Variants in TMEM68 observed in about 807,000 individuals in gnomAD.
TMEM68 encodes DGAT1/2-independent enzyme synthesizing storage lipids.
TMEM68 carries 25 observed loss-of-function variants against 36.9 expected under a neutral mutation model. That is an observed-to-expected ratio of 0.68 (90% CI 0.49 to 0.95). The LOEUF (loss-of-function observed/expected upper bound fraction) is 0.95, where lower values mean the gene tolerates loss of function less well. TMEM68 is among the 40% of genes least tolerant of loss of function. TMEM68 has a pLI of 0.00. For synonymous variants in TMEM68, 131 were observed against 124.4 expected (o/e 1.05, Z -0.35); for missense variants, 333 against 392.0 (o/e 0.85, Z 1.27).
intron 5 of TMEM68, chr8:55,746,762 A>G (rs1810291520): frequency 6.6e-6 from 1 of 152,202 alleles, no homozygotes; most frequent in Admixed American, 6.5e-5. Context: ...GCCTTCATAA[A>G]ACCTACTACT....
chr8:55,763,789 G>GT (rs1270294916), intron 2 of TMEM68, 147 bp downstream of exon 2: 1 of 4,988 alleles, frequency 2.0e-4, no homozygotes, highest in Non-Finnish European at 7.2e-4. Flanking sequence ...AATGGATATT[G>GT]TTTTTTTATA....
chr8:55,758,062 GA>G (rs1330255245), intron 3 of TMEM68, among the ~76,000 whole-genome samples: 3 of 152,116 alleles, frequency 2.0e-5, no homozygotes, highest in Non-Finnish European at 4.4e-5. Flanking sequence ...AAGCAAAGGC[GA>G]CCTTTTCCTG....
chr8:55,744,129 T>C (rs368776026), intron 6 of TMEM68, among the ~76,000 whole-genome samples: 13 of 151,252 alleles, frequency 8.6e-5, no homozygotes, highest in African/African-American at 2.7e-4. Context: ...AAGAATAAAT[T>C]TATGTAAATA....
intron 1 of TMEM68, among the ~76,000 whole-genome samples, chr8:55,770,568 G>C (rs1032112051): frequency 2.0e-5 from 3 of 152,098 alleles, no homozygotes; most frequent in African/African-American, 7.2e-5. Flanking sequence ...CAGCTACTTG[G>C]AAGGCCAAGG....
intron 4 of TMEM68, chr8:55,751,441 G>A (rs888596912): frequency 4.7e-6 from 2 of 422,896 alleles, no homozygotes; most frequent in Non-Finnish European, 8.7e-6. Flanking sequence ...CTTGCTCAAA[G>A]TCACACATCT....
chr8:55,754,900 CATATATTAT>C (rs1323195919), intron 4 of TMEM68, among the ~76,000 whole-genome samples: 1 of 123,494 alleles, frequency 8.1e-6, no homozygotes, highest in African/African-American at 3.1e-5. Flanking sequence ...ATATAAAATA[CATATATTAT>C]ATATTATATA....
chr8:55,765,561 C>A (rs1371704713), intron 1 of TMEM68, among the ~76,000 whole-genome samples: 1 of 152,172 alleles, frequency 6.6e-6, no homozygotes, highest in African/African-American at 2.4e-5. Context: ...TGTTTGCTAT[C>A]GCTATCATTC....
At position 55,746,410 on chromosome 8, in the gene TMEM68, C is replaced by T. The variant is rs559554724; in HGVS notation, c.688-1289G>A. ...CATGATTTTTATTCTCCAAAAATATCAATGATTCAGTATATTTTTAATAAT... is the reference window on the plus strand; with the variant it reads ...CATGATTTTTATTCTCCAAAAATATTAATGATTCAGTATATTTTTAATAAT... On this transcript the variant is annotated intron_variant, in intron 5 of 7. Coordinates refer to ENST00000434581, the MANE Select transcript of TMEM68 (RefSeq NM_001286657.2). 9 of 140,490 alleles carry T rather than the reference C, an allele frequency of 6.4e-5. No homozygotes were observed. The South Asian group carries it at 2.1e-3, about 33-fold the overall frequency. The allele number at this position is 140,490 out of a possible 1,614,324, so 8.7% of individuals were successfully genotyped here.
intron 3 of TMEM68, among the ~76,000 whole-genome samples, chr8:55,758,826 T>A (rs942919264): frequency 6.6e-6 from 1 of 151,684 alleles, no homozygotes; most frequent in Non-Finnish European, 1.5e-5. Flanking sequence ...AATAAATAAA[T>A]AAACGCAAAG....
intron 1 of TMEM68, among the ~76,000 whole-genome samples, chr8:55,767,319 A>T (rs912671119): frequency 3.3e-5 from 5 of 152,206 alleles, no homozygotes; most frequent in African/African-American, 1.2e-4. Flanking sequence ...GTTAATGCTT[A>T]TCACATATAA....
rs1585705341 is a variant in TMEM68, at chr8:55,743,750, A to AT, written c.749-131dup. ...GTATCACTTCTTGGCAATTAATACA[A>AT]TTTTTTTAAAAAGAAGAGCTTTTCA... On this transcript the variant is annotated intron_variant, in intron 6 of 7. Transcript: ENST00000434581. The AT allele has an allele frequency of 2.0e-5, 15 of 751,238 alleles. No homozygotes were observed. The East Asian group carries it at 4.4e-4, about 22-fold the overall frequency. 46.5% of individuals were successfully genotyped at this position (751,238 alleles called of 1,614,324 possible).
intron 1 of TMEM68, among the ~76,000 whole-genome samples, chr8:55,767,996 G>A (rs1811027720): frequency 2.6e-5 from 4 of 152,144 alleles, no homozygotes; most frequent in Admixed American, 2.0e-4. Context: ...TAGAAGTTGG[G>A]AAGACAATGG....
chr8:55,743,566 C>T lies in TMEM68; in HGVS notation c.803G>A (p.Gly268Glu). 1 of 1,535,934 alleles carries T rather than the reference C, an allele frequency of 6.5e-7. No homozygotes were observed. The highest frequency in any genetic ancestry group is 8.7e-7 in the Non-Finnish European group (1 of 1,146,808). Residue 268 changes from glycine to glutamate, a missense_variant, in exon 7 of 8, where the codon GGA (glycine) becomes GAA (glutamate). By Grantham distance (98) the Gly-to-Glu change is moderately conservative. Coordinates refer to ENST00000434581, the MANE Select transcript of TMEM68 (RefSeq NM_001286657.2). ...GGTCCGTAACTTCACTGGAAAACCT[C>T]CATACATTGGAGCAAATGGATAGCG... Reference protein sequence around the residue: ...KFRYPFAPMYGGFPVKLRTYL... With the variant: ...KFRYPFAPMYEGFPVKLRTYL...
At chr8:55,748,656 G>A (rs890238019) in intron 5 of TMEM68, among the ~76,000 whole-genome samples, 1 of 152,012 alleles carries the variant, frequency 6.6e-6, no homozygotes. Context: ...GCCCAAGCTG[G>A]AACACAATGG....
intron 4 of TMEM68, among the ~76,000 whole-genome samples, chr8:55,753,372 T>C (rs1207376412): frequency 6.6e-6 from 1 of 152,138 alleles, no homozygotes; most frequent in African/African-American, 2.4e-5. Context: ...CCTATGTTAC[T>C]GTAAGTAAAA....
intron 4 of TMEM68, among the ~76,000 whole-genome samples, chr8:55,752,357 C>T (rs1394283727): frequency 6.6e-6 from 1 of 151,998 alleles, no homozygotes; most frequent in African/African-American, 2.4e-5. Flanking sequence ...GGAAGATGAG[C>T]GGGCAGACCA....
At chr8:55,764,958 G>A (rs143109212) in intron 1 of TMEM68, among the ~76,000 whole-genome samples, 1,997 of 152,276 alleles carry the variant, frequency 0.013, 40 homozygotes, top group African/African-American at 0.046. Flanking sequence ...TGTAGTCCCA[G>A]CTACTCGGGA....
chr8:55,768,377 G>C (rs1362613984), intron 1 of TMEM68, among the ~76,000 whole-genome samples: 1 of 152,120 alleles, frequency 6.6e-6, no homozygotes, highest in African/African-American at 2.4e-5. Context: ...ATCTAGAAGG[G>C]AACACAGGTG....
Position 55,756,243 on chromosome 8 carries a change from C to G in TMEM68, c.493+1G>C, listed in dbSNP as rs772849933. Reference sequence around the variant, plus strand: ...CATTACTATCTACAGTGAAAGTTTACCTGGAATTTTAAAGACAAAGTGATC... The same window carrying G: ...CATTACTATCTACAGTGAAAGTTTAGCTGGAATTTTAAAGACAAAGTGATC... On this transcript the variant is annotated splice_donor_variant, in intron 4 of 7. Coordinates refer to ENST00000434581, the MANE Select transcript of TMEM68 (RefSeq NM_001286657.2). LOFTEE classifies it high-confidence loss of function. The G allele has an allele frequency of 6.3e-7, 1 of 1,593,156 alleles. No homozygotes were observed. Among genetic ancestry groups the G allele is most frequent in the Non-Finnish European group, 8.5e-7 (1 of 1,175,068 alleles).
Sources: allele counts gnomAD v4.1 joint callset (sites outside exome capture counted in the v4.1 genomes callset), GRCh38; gene constraint gnomAD v4.1.1; transcripts MANE v1.5; gene names NCBI Gene and HGNC (gene_info 2026-07-23, HGNC 2026-07-21).